The following TNRC6A variants were observed in gnomAD, a reference collection of about 807,000 sequenced individuals.
TNRC6A encodes the protein trinucleotide repeat-containing gene 6A protein.
Under a neutral mutation model 221.2 loss-of-function variants are expected in TNRC6A, and 44 were observed. That is an observed-to-expected ratio of 0.20 (90% confidence interval 0.16 to 0.26). TNRC6A has a LOEUF of 0.26. Among genes scored for constraint, TNRC6A ranks in the 10% least tolerant of loss-of-function variants. TNRC6A has a pLI of 1.00. For missense variants in TNRC6A, 2,199 were observed against 2,404.4 expected (o/e 0.91, Z 1.79); for synonymous variants, 847 against 838.5 (o/e 1.01, Z -0.18).
At chr16:24,714,711 T>C (rs930984212) in intron 2 of TNRC6A, among the ~76,000 whole-genome samples, 13 of 152,136 alleles carry the variant, frequency 8.5e-5, no homozygotes, top group African/African-American at 3.1e-4. Flanking sequence ...GGGCTTTGCT[T>C]AACTTTTAGG....
chr16:24,650,751 T>C (rs1902598606), intron 2 of TNRC6A, among the ~76,000 whole-genome samples: 1 of 152,090 alleles, frequency 6.6e-6, no homozygotes, highest in African/African-American at 2.4e-5. Context: ...ACATGTGATC[T>C]GAGAAAACAC....
In TNRC6A at chr16:24,806,245, A is replaced by G. The variant is rs2058429434; in HGVS notation, c.4291A>G (p.Ser1431Gly). The G allele has an allele frequency of 6.2e-7, 1 of 1,614,216 alleles. No individual in the cohort carries two copies. The highest frequency in any genetic ancestry group is 1.3e-5 in the African/African-American group (1 of 75,078). Residue 1431 changes from serine to glycine, a missense_variant, in exon 16 of 25, where the codon AGC becomes GGC. Ser to Gly is a moderately conservative substitution (Grantham distance 56). This residue lies in a region of TNRC6A where 449 missense variants were observed against 579.7 expected (regional missense o/e 0.77). Transcript: ENST00000395799. ...GCAGCAAAGGGCGCAGAGTCAGAGAAGCGTGCCTTCTGGGAACCGGCCGCA... is the reference window on the plus strand; with the variant it reads ...GCAGCAAAGGGCGCAGAGTCAGAGAGGCGTGCCTTCTGGGAACCGGCCGCA... ...AQQQRAQSQR[S>G]VPSGNRPQQD...
At chr16:24,696,021 A>G (rs1478560178) in intron 2 of TNRC6A, among the ~76,000 whole-genome samples, 1 of 152,096 alleles carries the variant, frequency 6.6e-6, no homozygotes, top group African/African-American at 2.4e-5. Context: ...CTAATGGTGG[A>G]GAGGAAAAAA....
intron 2 of TNRC6A, among the ~76,000 whole-genome samples, chr16:24,664,618 T>TATATATATATATTTATTATTA (rs2055109834): frequency 2.8e-5 from 4 of 142,590 alleles, no homozygotes; most frequent in African/African-American, 1.0e-4. Context: ...ATATAATAAA[T>TATATATATATATTTATTATTA]ATAAATATAT....
At chr16:24,728,723 T>G (rs1481745605), upstream of TNRC6A, among the ~76,000 whole-genome samples, 1 of 152,230 alleles carries the variant, frequency 6.6e-6, no homozygotes, top group Non-Finnish European at 1.5e-5. Flanking sequence ...TGTATCTACA[T>G]GTAGGTATGT....
At chr16:24,776,910 C>G (rs578227277) in intron 4 of TNRC6A, 23 bp from the exon 5 acceptor site, 89 of 1,595,036 alleles carry the variant, frequency 5.6e-5, no homozygotes, top group Admixed American at 1.7e-4. Context: ...TCTTTTCCAC[C>G]CCTTTTCTTT....
intron 3 of TNRC6A, among the ~76,000 whole-genome samples, chr16:24,754,818 G>A (rs2057215106): frequency 6.6e-6 from 1 of 152,180 alleles, no homozygotes; most frequent in African/African-American, 2.4e-5. Context: ...GGATCTCTTG[G>A]TGTTGAGAAT....
At chr16:24,716,101 G>C (rs555095757) in intron 2 of TNRC6A, among the ~76,000 whole-genome samples, 1 of 151,834 alleles carries the variant, frequency 6.6e-6, no homozygotes, top group East Asian at 1.9e-4. Flanking sequence ...TTCAACTCAA[G>C]AAGTCCACTG....
rs1485779067 is a variant in TNRC6A at position 24,806,899 on chromosome 16, C to T, written c.4540+115C>T. 1.7e-5 allele frequency: 17 copies of T among 999,274 alleles called. 1 individual carries two copies. Among genetic ancestry groups the T allele is most frequent in the Non-Finnish European group, 2.0e-5 (13 of 661,090 alleles). 61.9% of individuals were successfully genotyped at this position (999,274 alleles called of 1,614,324 possible). On this transcript the variant is annotated intron_variant, in intron 17 of 24. Transcript: ENST00000395799. ...CATGAAAGCTACATTGATCTCTTAG[C>T]TGTTCCCTCTCAGAGAGTTGCCATC...
At chr16:24,665,217 A>T (rs1294064949) in intron 2 of TNRC6A, among the ~76,000 whole-genome samples, 1 of 151,964 alleles carries the variant, frequency 6.6e-6, no homozygotes, top group Non-Finnish European at 1.5e-5. Flanking sequence ...CTACAAGCTC[A>T]TGTTTTTAAA....
intron 2 of TNRC6A, among the ~76,000 whole-genome samples, chr16:24,695,941 C>T (rs1199122135): frequency 6.6e-6 from 1 of 152,150 alleles, no homozygotes; most frequent in African/African-American, 2.4e-5. Flanking sequence ...ATGGGATTCC[C>T]ACCAGCATTT....
intron 2 of TNRC6A, among the ~76,000 whole-genome samples, chr16:24,675,761 G>A (rs1412914977): frequency 1.6e-4 from 19 of 118,826 alleles, no homozygotes; most frequent in Admixed American, 1.1e-3. Flanking sequence ...ACACACAGAG[G>A]CTATTCAGTA....
chr16:24,769,325 G>A (rs977214358), intron 4 of TNRC6A, among the ~76,000 whole-genome samples: 18 of 151,994 alleles, frequency 1.2e-4, no homozygotes, highest in African/African-American at 4.4e-4. Flanking sequence ...TTGGAACACA[G>A]ACTAGGAAAA....
chr16:24,810,267 C>T (rs185060133), intron 18 of TNRC6A, among the ~76,000 whole-genome samples: 6 of 152,232 alleles, frequency 3.9e-5, no homozygotes, highest in Non-Finnish European at 7.4e-5. Flanking sequence ...ATTATCCATT[C>T]ACCCAGCAAA....
At chr16:24,679,771 C>T (rs931881609) in intron 2 of TNRC6A, among the ~76,000 whole-genome samples, 1 of 151,940 alleles carries the variant, frequency 6.6e-6, no homozygotes, top group South Asian at 2.1e-4. Context: ...GCCACCCCAC[C>T]TGGCAATTTT....
At chr16:24,813,033 G>T (rs367669556) in intron 18 of TNRC6A, among the ~76,000 whole-genome samples, 1 of 151,672 alleles carries the variant, frequency 6.6e-6, no homozygotes, top group Non-Finnish European at 1.5e-5. Context: ...GCACTGCCAC[G>T]CCTGGCTAGT....
chr16:24,664,769 T>A (rs1373210452), intron 2 of TNRC6A: 10 of 291,062 alleles, frequency 3.4e-5, no homozygotes, highest in African/African-American at 1.5e-4. Context: ...AATCCCCAAA[T>A]CACACACACA....
At chr16:24,815,735 G>A in intron 19 of TNRC6A, 2 of 186,746 alleles carry the variant, frequency 1.1e-5, no homozygotes, top group Non-Finnish European at 2.3e-5. Context: ...GGCGCCTGTA[G>A]TCCCAGCTAC....
rs537780467 is a variant in TNRC6A, at chr16:24,698,533, T to C, written n.403-52193T>C. On this transcript the variant is annotated intron_variant and non_coding_transcript_variant, in intron 2 of 2. Coordinates refer to the TNRC6A transcript ENST00000566108. Reference sequence around the variant, plus strand: ...GGGACCATTACAAGCACTGTGCAAATATTAGCATGTTTAGTCTCCTTGGCA... The same window carrying C: ...GGGACCATTACAAGCACTGTGCAAACATTAGCATGTTTAGTCTCCTTGGCA... Among the ~76,000 whole-genome samples the C allele has an allele frequency of 2.0e-5, 3 of 152,294 alleles. No individual in the cohort carries two copies. In the East Asian group the frequency reaches 5.8e-4, roughly 29 times the overall value.
Sources: gnomAD v4.1 joint callset for allele counts (sites outside exome capture counted in the v4.1 genomes callset) on GRCh38, gnomAD v4.1.1 for gene constraint, gnomAD v4.1.1 regional missense constraint, MANE v1.5 for transcripts, NCBI Gene and HGNC (gene_info 2026-07-23, HGNC 2026-07-21) for gene names.